The following HSF2BP variants were observed in gnomAD, a reference collection of about 807,000 sequenced individuals.
HSF2BP encodes the protein heat shock factor 2-binding protein.
Under a neutral mutation model 35.0 loss-of-function variants are expected in HSF2BP, and 35 were observed. The ratio of observed to expected loss-of-function variants is 1.00; its 90% CI spans 0.76 to 1.32. The LOEUF is 1.32. HSF2BP is among the 40% of genes most tolerant of loss of function. The probability of loss-of-function intolerance (pLI) is 0.00; values close to 1 mark genes in which losing one functional copy is unlikely to be tolerated. For synonymous variants in HSF2BP, 114 were observed against 117.4 expected (o/e 0.97, Z 0.18); for missense variants, 326 against 321.7 (o/e 1.01, Z -0.10).
At chr21:43,599,393 C>T (rs1442658397) in intron 7 of HSF2BP, among the ~76,000 whole-genome samples, 1 of 152,192 alleles carries the variant, frequency 6.6e-6, no homozygotes, top group Admixed American at 6.5e-5. Context: ...TCTAATATAA[C>T]ATTTCTATTC....
intron 8 of HSF2BP, among the ~76,000 whole-genome samples, chr21:43,581,810 G>T (rs2081736512): frequency 6.6e-6 from 1 of 152,258 alleles, no homozygotes; most frequent in Admixed American, 6.5e-5. Flanking sequence ...GTGGTCAGAA[G>T]GGTCTGTGCT....
intron 7 of HSF2BP, among the ~76,000 whole-genome samples, chr21:43,609,439 T>C (rs2082175496): frequency 6.6e-6 from 1 of 151,910 alleles, no homozygotes; most frequent in Non-Finnish European, 1.5e-5. Flanking sequence ...AAAATTTAAA[T>C]TTAAATTTTT....
intron 4 of HSF2BP, among the ~76,000 whole-genome samples, chr21:43,643,675 C>T (rs2082669294): frequency 6.6e-6 from 1 of 152,180 alleles, no homozygotes; most frequent in African/African-American, 2.4e-5. Flanking sequence ...ATTACTCAGC[C>T]TCGCCGGGCG....
At chr21:43,572,580 A>T (rs374364502) in intron 8 of HSF2BP, among the ~76,000 whole-genome samples, 2 of 152,238 alleles carry the variant, frequency 1.3e-5, no homozygotes, top group East Asian at 3.8e-4. Context: ...AGAACTCCCT[A>T]GGGCTTCAGC....
chr21:43,625,171 G>T (rs9981790), intron 6 of HSF2BP, among the ~76,000 whole-genome samples: 2 of 151,920 alleles, frequency 1.3e-5, no homozygotes, highest in East Asian at 1.9e-4. Flanking sequence ...TCTTTCCGGG[G>T]GCAGAGGGAG....
intron 6 of HSF2BP, among the ~76,000 whole-genome samples, chr21:43,618,712 A>T (rs4818854): frequency 6.6e-6 from 1 of 151,320 alleles, no homozygotes; most frequent in African/African-American, 2.4e-5. Context: ...TGAGGCGGGC[A>T]GATCACGAGG....
intron 6 of HSF2BP, among the ~76,000 whole-genome samples, chr21:43,616,709 G>A (rs886887439): frequency 2.6e-5 from 4 of 152,120 alleles, no homozygotes; most frequent in Non-Finnish European, 4.4e-5. Context: ...CGAGGTGGGC[G>A]GATCACGCGG....
chr21:43,657,542 G>GA (rs2082889387), intron 2 of HSF2BP, among the ~76,000 whole-genome samples: 1 of 152,196 alleles, frequency 6.6e-6, no homozygotes, highest in African/African-American at 2.4e-5. Context: ...TGTCTAGATG[G>GA]AAATTAAGGC....
intron 3 of HSF2BP, among the ~76,000 whole-genome samples, chr21:43,645,267 G>A (rs192206292): frequency 2.8e-4 from 43 of 152,294 alleles, no homozygotes; most frequent in Non-Finnish European, 4.4e-4. Context: ...TGGAGGACTT[G>A]ATAATACAGA....
intron 7 of HSF2BP, among the ~76,000 whole-genome samples, chr21:43,610,435 C>CAAA (rs11382971): frequency 3.6e-5 from 5 of 140,474 alleles, no homozygotes; most frequent in East Asian, 2.1e-4. Context: ...CAAAAAATAC[C>CAAA]AAAAAAAAAA....
At chr21:43,616,896 A>C (rs905664621) in intron 6 of HSF2BP, among the ~76,000 whole-genome samples, 1 of 151,346 alleles carries the variant, frequency 6.6e-6, no homozygotes, top group Non-Finnish European at 1.5e-5. Flanking sequence ...ACACCATTGC[A>C]CTCCAGCCTG....
At chr21:43,607,417 A>G (rs568790492) in intron 7 of HSF2BP, among the ~76,000 whole-genome samples, 2 of 152,322 alleles carry the variant, frequency 1.3e-5, no homozygotes, top group Admixed American at 6.5e-5. Flanking sequence ...CTTCAAGAAG[A>G]ACTACAGAAC....
intron 6 of HSF2BP, among the ~76,000 whole-genome samples, chr21:43,622,455 T>C (rs918844957): frequency 6.6e-6 from 1 of 152,036 alleles, no homozygotes; most frequent in African/African-American, 2.4e-5. Context: ...TAAAGGCACA[T>C]ACAGACTGAA....
the HSF2BP span, among the ~76,000 whole-genome samples, chr21:43,468,024 C>T: frequency 7.5e-6 from 1 of 132,574 alleles, no homozygotes; most frequent in African/African-American, 2.9e-5. Context: ...ACCATACACA[C>T]AGCACACACC....
intron 3 of HSF2BP, among the ~76,000 whole-genome samples, 199 bp downstream of exon 3, chr21:43,656,388 C>A (rs1224268784): frequency 6.6e-6 from 1 of 152,222 alleles, no homozygotes; most frequent in Admixed American, 6.5e-5. Flanking sequence ...AGAAAACTGG[C>A]AACCAACTTA....
At chr21:43,586,962 T>C (rs932615536) in intron 8 of HSF2BP, among the ~76,000 whole-genome samples, 2 of 152,152 alleles carry the variant, frequency 1.3e-5, no homozygotes, top group African/African-American at 4.8e-5. Flanking sequence ...GTCCAGTATA[T>C]TTTCATAAAC....
At chr21:43,617,116 C>T (rs549919599) in intron 6 of HSF2BP, among the ~76,000 whole-genome samples, 3 of 152,094 alleles carry the variant, frequency 2.0e-5, no homozygotes, top group African/African-American at 7.2e-5. Context: ...ACTGTCCCTG[C>T]CAAGCCTGAC....
chr21:43,621,049 T>C (rs751462121), intron 6 of HSF2BP, among the ~76,000 whole-genome samples: 12 of 152,112 alleles, frequency 7.9e-5, no homozygotes, highest in Non-Finnish European at 1.6e-4. Flanking sequence ...ACTTAAGATA[T>C]AAATATCCAG....
chr21:43,609,882 G>A (rs2082182325), intron 7 of HSF2BP: 1 of 152,248 alleles, frequency 6.6e-6, no homozygotes, highest in Non-Finnish European at 1.5e-5. Flanking sequence ...GTCAGTGAAT[G>A]GCTCTGAAGG....
Sources: allele counts gnomAD v4.1 joint callset (sites outside exome capture counted in the v4.1 genomes callset), GRCh38; gene constraint gnomAD v4.1.1; transcripts MANE v1.5; gene names NCBI Gene and HGNC (gene_info 2026-07-23, HGNC 2026-07-21).